Variants in SYN3 observed in about 807,000 individuals in gnomAD.
SYN3 encodes the protein synapsin-3.
In SYN3, 35 loss-of-function variants were observed where a neutral mutation model predicts 65.8. The ratio of observed to expected loss-of-function variants is 0.53; its 90% CI spans 0.41 to 0.70. The LOEUF (loss-of-function observed/expected upper bound fraction) is 0.70. Among genes scored for constraint, SYN3 ranks in the 30% least tolerant of loss-of-function variants. SYN3 has a pLI of 0.00. For synonymous variants in SYN3, 270 were observed against 292.9 expected (o/e 0.92, Z 0.80); for missense variants, 680 against 749.0 (o/e 0.91, Z 1.08).
At chr22:32,702,399 AC>A (rs1314178056) in intron 6 of SYN3, among the ~76,000 whole-genome samples, 1 of 152,114 alleles carries the variant, frequency 6.6e-6, no homozygotes, top group African/African-American at 2.4e-5. Context: ...AATGGTGTGA[AC>A]CCGGGAGGCG....
intron 3 of SYN3, among the ~76,000 whole-genome samples, chr22:32,954,780 C>T (rs1191048285): frequency 6.6e-6 from 1 of 150,908 alleles, no homozygotes; most frequent in Non-Finnish European, 1.5e-5. Flanking sequence ...TTCTGCAGAC[C>T]ATAGTGAGGG....
chr22:32,934,834 C>T (rs895042572), intron 3 of SYN3, among the ~76,000 whole-genome samples: 1 of 152,052 alleles, frequency 6.6e-6, no homozygotes, highest in African/African-American at 2.4e-5. Flanking sequence ...GGGAGGCACA[C>T]TAAATCCACT....
At chr22:32,860,887 G>A (rs2048515476) in intron 6 of SYN3, 1 of 148,960 alleles carries the variant, frequency 6.7e-6, no homozygotes, top group South Asian at 2.1e-4. Flanking sequence ...GCCTGAGTTT[G>A]CAACCAGTTG....
chr22:32,614,439 T>C (rs1264336154), intron 6 of SYN3, among the ~76,000 whole-genome samples: 2 of 152,150 alleles, frequency 1.3e-5, no homozygotes, highest in East Asian at 3.9e-4. Context: ...GTGGAGGGAT[T>C]TGATGGTCCC....
At chr22:32,649,012 T>G (rs1347485750) in intron 6 of SYN3, among the ~76,000 whole-genome samples, 4 of 152,218 alleles carry the variant, frequency 2.6e-5, no homozygotes, top group African/African-American at 9.7e-5. Context: ...CCTATTACAG[T>G]TGATTGTATC....
intron 3 of SYN3, among the ~76,000 whole-genome samples, chr22:32,956,223 T>C (rs1441122521): frequency 6.9e-6 from 1 of 145,864 alleles, no homozygotes; most frequent in East Asian, 2.0e-4. Context: ...AGGCACGATC[T>C]TGGCTCACTG....
intron 6 of SYN3, among the ~76,000 whole-genome samples, chr22:32,754,632 C>T (rs1322268868): frequency 2.6e-5 from 4 of 152,186 alleles, no homozygotes; most frequent in Non-Finnish European, 4.4e-5. Context: ...CTCCTCCACC[C>T]GGCTCCCCCT....
intron 6 of SYN3, among the ~76,000 whole-genome samples, chr22:32,696,965 T>C (rs1006710955): frequency 2.0e-5 from 3 of 152,166 alleles, no homozygotes; most frequent in Non-Finnish European, 4.4e-5. Context: ...AACAATGTCC[T>C]CCTTGCAGCT....
intron 6 of SYN3, among the ~76,000 whole-genome samples, chr22:32,784,533 G>A (rs1358550828): frequency 6.6e-6 from 1 of 152,220 alleles, no homozygotes; most frequent in East Asian, 1.9e-4. Flanking sequence ...TGAAACTGCA[G>A]CCCTGGCTGA....
At chr22:32,636,966 A>G (rs9621516) in intron 6 of SYN3, among the ~76,000 whole-genome samples, 41,924 of 152,102 alleles carry the variant, frequency 0.28, 8,818 homozygotes, top group African/African-American at 0.58. Context: ...AGATAAAAGT[A>G]AGGCCACTCC....
At chr22:32,987,455 A>T (rs1357657052) in intron 2 of SYN3, among the ~76,000 whole-genome samples, 1 of 152,032 alleles carries the variant, frequency 6.6e-6, no homozygotes, top group East Asian at 1.9e-4. Context: ...AGAACAGCTC[A>T]CCCTCCTGGC....
chr22:32,870,394 T>C (rs2899196), intron 4 of SYN3, among the ~76,000 whole-genome samples: 42,635 of 152,024 alleles, frequency 0.28, 6,201 homozygotes, highest in African/African-American at 0.34. Context: ...AAATATCTTC[T>C]AAAATATAAT....
intron 1 of SYN3, among the ~76,000 whole-genome samples, chr22:33,025,394 C>T (rs1054327544): frequency 2.1e-5 from 3 of 142,708 alleles, no homozygotes; most frequent in East Asian, 2.0e-4. Flanking sequence ...GTGGAGGTTG[C>T]GCCACTGCAC....
intron 6 of SYN3, chr22:32,849,602 G>T: frequency 1.4e-6 from 2 of 1,434,054 alleles, no homozygotes; most frequent in African/African-American, 2.8e-5. Flanking sequence ...CCTGGCTAAG[G>T]GAGGCAAAGT....
At chr22:32,758,869 C>T (rs2045373430) in intron 6 of SYN3, among the ~76,000 whole-genome samples, 1 of 150,830 alleles carries the variant, frequency 6.6e-6, no homozygotes, top group African/African-American at 2.4e-5. Flanking sequence ...GGTAGCAGGA[C>T]AGCTGTTGGC....
At chr22:32,826,838 T>C (rs772128806) in intron 6 of SYN3, among the ~76,000 whole-genome samples, 3 of 152,156 alleles carry the variant, frequency 2.0e-5, no homozygotes, top group Non-Finnish European at 2.9e-5. Context: ...GGCAGGGTTT[T>C]TGCATTCTGC....
At position 32,581,037 on chromosome 22, in the gene SYN3, A is replaced by C. The variant is rs956082092; in HGVS notation, c.774+15637T>G. On this transcript the variant is annotated intron_variant, in intron 7 of 13. Transcript: ENST00000358763. ...AATCAACATCTCTTAAGTATCTACA[A>C]TTTTTTAAGAGTGCGTTACCTCAAT... Among the ~76,000 whole-genome samples the C allele has an allele frequency of 2.6e-5, 4 of 152,142 alleles. No homozygotes were observed. In the East Asian group the frequency reaches 7.7e-4, roughly 29 times the overall value.
chr22:32,825,794 G>A (rs1223002671), intron 6 of SYN3, among the ~76,000 whole-genome samples: 2 of 146,068 alleles, frequency 1.4e-5, no homozygotes, highest in Non-Finnish European at 3.0e-5. Flanking sequence ...TTATCATAGA[G>A]TTGTTTATAA....
chr22:32,882,520 C>G (rs2049169201), intron 4 of SYN3, among the ~76,000 whole-genome samples: 1 of 152,104 alleles, frequency 6.6e-6, no homozygotes, highest in Admixed American at 6.5e-5. Flanking sequence ...AGAGTATTAC[C>G]TTAATTGATC....
Sources: gnomAD v4.1 joint callset for allele counts (sites outside exome capture counted in the v4.1 genomes callset) on GRCh38, gnomAD v4.1.1 for gene constraint, MANE v1.5 for transcripts, NCBI Gene and HGNC (gene_info 2026-07-23, HGNC 2026-07-21) for gene names.